Variants in CNTNAP2 observed in about 807,000 individuals in gnomAD.
CNTNAP2 encodes the protein contactin-associated protein-like 2.
CNTNAP2 carries 98 observed loss-of-function variants against 155.2 expected under a neutral mutation model. That is an observed-to-expected ratio of 0.63 (90% CI 0.54 to 0.75). The LOEUF (loss-of-function observed/expected upper bound fraction) is 0.75. Among genes scored for constraint, CNTNAP2 ranks in the 30% least tolerant of loss-of-function variants. The pLI is 0.00. For synonymous variants in CNTNAP2, 651 were observed against 631.2 expected, an observed-to-expected ratio of 1.03 and a Z score of -0.47; for missense variants, 1,727 against 1,688.1, an observed-to-expected ratio of 1.02 and a Z score of -0.40.
chr7:147,476,989 C>T (rs535874925), intron 10 of CNTNAP2, among the ~76,000 whole-genome samples: 16 of 149,138 alleles, frequency 1.1e-4, no homozygotes, highest in African/African-American at 3.7e-4. Flanking sequence ...TATCTATGGA[C>T]GTGAAGCAGA....
At chr7:146,526,532 C>T (rs1356902584) in intron 1 of CNTNAP2, among the ~76,000 whole-genome samples, 1 of 152,094 alleles carries the variant, frequency 6.6e-6, no homozygotes, top group Non-Finnish European at 1.5e-5. Flanking sequence ...CTCACTGTCA[C>T]AAGGACAGCA....
chr7:147,501,210 C>T (rs367601670), intron 11 of CNTNAP2, among the ~76,000 whole-genome samples: 2 of 151,488 alleles, frequency 1.3e-5, no homozygotes, highest in Middle Eastern at 3.4e-3. Context: ...TCTCAGCAAA[C>T]TAGATACAGA....
At chr7:147,436,291 T>C (rs1563203370) in intron 10 of CNTNAP2, among the ~76,000 whole-genome samples, 1 of 152,184 alleles carries the variant, frequency 6.6e-6, no homozygotes, top group Non-Finnish European at 1.5e-5. Flanking sequence ...ACAAGAAGTT[T>C]TTGTTGTTAT....
chr7:147,671,872 A>G (rs1475491206), intron 13 of CNTNAP2: 3 of 152,194 alleles, frequency 2.0e-5, no homozygotes, highest in African/African-American at 4.8e-5. Flanking sequence ...AGTACCCTTT[A>G]TGCAATCTCC....
chr7:147,904,092 C>A (rs117791714), intron 14 of CNTNAP2, among the ~76,000 whole-genome samples: 1 of 151,918 alleles, frequency 6.6e-6, no homozygotes, highest in African/African-American at 2.4e-5. Context: ...CAGCCTCCTG[C>A]GGGGAGCACA....
In CNTNAP2 at chr7:147,272,754, G is replaced by A. The variant is rs145169421; in HGVS notation, c.1349-27387G>A. ...GATCTCCTGACATCATGATCCACCC[G>A]CCTTGGCCTCCTAAAGTGCTGGGAT... On this transcript the variant is annotated intron_variant, in intron 8 of 23. Transcript: ENST00000361727. Among the ~76,000 whole-genome samples, 1,181 of 150,610 alleles carry A rather than the reference G, an allele frequency of 7.8e-3. 18 individuals are homozygous for A. Among genetic ancestry groups the A allele is most frequent in the African/African-American group, 0.027 (1,117 of 40,998 alleles).
At chr7:148,248,915 T>G (rs1796320128) in intron 20 of CNTNAP2, among the ~76,000 whole-genome samples, 1 of 152,184 alleles carries the variant, frequency 6.6e-6, no homozygotes, top group African/African-American at 2.4e-5. Flanking sequence ...ATTCAACTGG[T>G]GTGTGGTAGT....
At chr7:148,407,809 T>C (rs1799738537) in intron 22 of CNTNAP2, among the ~76,000 whole-genome samples, 1 of 151,930 alleles carries the variant, frequency 6.6e-6, no homozygotes, top group Non-Finnish European at 1.5e-5. Flanking sequence ...TATGAAATCC[T>C]TGAATACCCA....
chr7:146,997,682 G>A (rs1798337859), intron 3 of CNTNAP2, among the ~76,000 whole-genome samples: 2 of 151,942 alleles, frequency 1.3e-5, no homozygotes, highest in Admixed American at 1.3e-4. Flanking sequence ...TGAGGTCCTG[G>A]GCTTTTTACT....
chr7:147,299,176 G>A (rs748978967), intron 8 of CNTNAP2, among the ~76,000 whole-genome samples: 2 of 151,090 alleles, frequency 1.3e-5, no homozygotes, highest in East Asian at 4.2e-4. Context: ...GTCGAAGAAA[G>A]CCCCTCTGGC....
chr7:146,277,789 A>G (rs1157653316), intron 1 of CNTNAP2, among the ~76,000 whole-genome samples: 1 of 152,226 alleles, frequency 6.6e-6, no homozygotes, highest in Non-Finnish European at 1.5e-5. Flanking sequence ...CCAAACAGGA[A>G]CACTTGGTCT....
At chr7:147,859,216 T>G (rs1799095699) in intron 13 of CNTNAP2, among the ~76,000 whole-genome samples, 1 of 152,102 alleles carries the variant, frequency 6.6e-6, no homozygotes, top group Admixed American at 6.6e-5. Context: ...TATAATGCTG[T>G]TAGGGATCGA....
intron 1 of CNTNAP2, among the ~76,000 whole-genome samples, chr7:146,720,252 G>A (rs150830199): frequency 2.0e-5 from 3 of 152,066 alleles, no homozygotes; most frequent in Admixed American, 6.6e-5. Context: ...ACTCCAAAAT[G>A]CTGTCAGCAC....
At chr7:146,497,974 T>C (rs1346847060) in intron 1 of CNTNAP2, among the ~76,000 whole-genome samples, 3 of 151,612 alleles carry the variant, frequency 2.0e-5, no homozygotes, top group Admixed American at 6.6e-5. Flanking sequence ...GATTACTTAC[T>C]TACTAAAGTA....
At chr7:146,621,145 A>AT (rs1179598004) in intron 1 of CNTNAP2, among the ~76,000 whole-genome samples, 1 of 152,138 alleles carries the variant, frequency 6.6e-6, no homozygotes, top group African/African-American at 2.4e-5. Flanking sequence ...CCCTACCCCC[A>AT]TTTTGTTATA....
At chr7:147,822,330 C>T (rs1798375361) in intron 13 of CNTNAP2, among the ~76,000 whole-genome samples, 1 of 152,168 alleles carries the variant, frequency 6.6e-6, no homozygotes, top group South Asian at 2.1e-4. Flanking sequence ...GCTGGCATAT[C>T]TGTGTGTTGG....
chr7:146,737,644 T>C (rs1182373423), intron 1 of CNTNAP2, among the ~76,000 whole-genome samples: 1 of 152,122 alleles, frequency 6.6e-6, no homozygotes, highest in Non-Finnish European at 1.5e-5. Context: ...TAATTTGCAT[T>C]TATCTGATAA....
Position 148,070,507 on chromosome 7 carries a change from A to G in CNTNAP2, c.2384-47611A>G, listed in dbSNP as rs183466602. 3.9e-3 allele frequency among the ~76,000 whole-genome samples: 597 copies of G among 152,346 alleles called. 1 individual carries two copies. The highest frequency in any genetic ancestry group is 0.014 in the African/African-American group (573 of 41,598). On this transcript the variant is annotated intron_variant, in intron 15 of 23. Transcript: ENST00000361727. ...CGAGGCAGGTGGATCACCTGAGGTC[A>G]GGAGTTTGAGACCAGCCTGGCCAAT...
intron 18 of CNTNAP2, among the ~76,000 whole-genome samples, chr7:148,209,167 C>T (rs1795501217): frequency 6.6e-6 from 1 of 152,078 alleles, no homozygotes; most frequent in Non-Finnish European, 1.5e-5. Context: ...ACTCTGTTGC[C>T]CCAGCTGGAG....
Sources: gnomAD v4.1 joint callset for allele counts (sites outside exome capture counted in the v4.1 genomes callset) on GRCh38, gnomAD v4.1.1 for gene constraint, MANE v1.5 for transcripts, NCBI Gene and HGNC (gene_info 2026-07-23, HGNC 2026-07-21) for gene names.